The following UPP2 variants were observed in gnomAD, a reference collection of about 807,000 sequenced individuals.
The protein encoded by UPP2 is uridine phosphorylase 2.
UPP2 carries 23 observed loss-of-function variants against 26.7 expected under a neutral mutation model. The ratio of observed to expected loss-of-function variants is 0.86; its 90% confidence interval spans 0.62 to 1.22. UPP2 has a LOEUF of 1.22. Ranked by LOEUF, UPP2 falls within the 50% of genes most tolerant of loss-of-function variation. The pLI is 0.00. For synonymous variants in UPP2, 127 were observed against 141.3 expected, an observed-to-expected ratio of 0.90 and a Z score of 0.72; for missense variants, 387 against 396.7, an observed-to-expected ratio of 0.98 and a Z score of 0.21.
chr2:158,008,758 C>T (rs6747631), intron 2 of UPP2, among the ~76,000 whole-genome samples: 4,332 of 152,142 alleles, frequency 0.028, 198 homozygotes, highest in African/African-American at 0.099. Flanking sequence ...ATCTTTATGG[C>T]GAAATTTTAA....
Position 158,123,895 on chromosome 2 carries a change from G to C in UPP2, c.811G>C (p.Ala271Pro). The C allele has an allele frequency of 1.9e-6, 3 of 1,612,694 alleles. No homozygotes were observed. The highest frequency in any genetic ancestry group is 1.1e-5 in the South Asian group (1 of 90,866). The change falls in exon 6 of 7, where the codon GCT (alanine) becomes CCT (proline). Residue 271 changes from alanine to proline, a missense_variant and splice_region_variant. Transcript: ENST00000005756. ...AAMCGLCGLK[A>P]AVVCVTLLDR... ...TATGTGTGGACTCTGTGGTCTAAAAGGTAAGCTTTTCGTGAATGCTTAGGG... is the reference window on the plus strand; with the variant it reads ...TATGTGTGGACTCTGTGGTCTAAAACGTAAGCTTTTCGTGAATGCTTAGGG...
chr2:158,056,184 A>G (rs1468618284), intron 3 of UPP2, among the ~76,000 whole-genome samples: 1 of 152,144 alleles, frequency 6.6e-6, no homozygotes, highest in African/African-American at 2.4e-5. Context: ...CTGAAATAAG[A>G]AAAAGGTTCT....
chr2:158,052,547 A>G (rs1682176933), intron 3 of UPP2, among the ~76,000 whole-genome samples: 1 of 152,214 alleles, frequency 6.6e-6, no homozygotes, highest in Non-Finnish European at 1.5e-5. Context: ...TTATATGGGT[A>G]TTGAATGACT....
At chr2:158,011,452 G>A (rs914502219) in intron 2 of UPP2, among the ~76,000 whole-genome samples, 9 of 152,150 alleles carry the variant, frequency 5.9e-5, no homozygotes, top group Non-Finnish European at 1.2e-4. Context: ...CTGGAGAGAA[G>A]GAGCCCTCCT....
chr2:158,040,327 A>G (rs1361035321), intron 3 of UPP2, among the ~76,000 whole-genome samples: 1 of 152,240 alleles, frequency 6.6e-6, no homozygotes, highest in Non-Finnish European at 1.5e-5. Flanking sequence ...TGAGTACTAA[A>G]GTGACAATTT....
At chr2:158,047,969 G>C (rs1294393406) in intron 3 of UPP2, among the ~76,000 whole-genome samples, 1 of 152,104 alleles carries the variant, frequency 6.6e-6, no homozygotes, top group Admixed American at 6.5e-5. Flanking sequence ...GAGGAGAGAA[G>C]TATGTACAGT....
At chr2:158,087,631 T>C (rs1037499454) in intron 3 of UPP2, among the ~76,000 whole-genome samples, 6 of 152,204 alleles carry the variant, frequency 3.9e-5, no homozygotes, top group Non-Finnish European at 8.8e-5. Flanking sequence ...TTGGTGCTTT[T>C]TGAGTATTTG....
chr2:158,055,204 G>A (rs1682227760), intron 3 of UPP2, among the ~76,000 whole-genome samples: 2 of 152,206 alleles, frequency 1.3e-5, no homozygotes, highest in African/African-American at 4.8e-5. Flanking sequence ...TCCCAAGGCG[G>A]TGCAGGGTAT....
intron 3 of UPP2, among the ~76,000 whole-genome samples, chr2:158,095,514 T>C (rs571831036): frequency 1.3e-5 from 2 of 152,322 alleles, no homozygotes; most frequent in East Asian, 3.9e-4. Context: ...CTCCACCATG[T>C]ACCAGAAGCA....
At chr2:158,130,657 T>G (rs989571450) in intron 6 of UPP2, among the ~76,000 whole-genome samples, 1 of 152,196 alleles carries the variant, frequency 6.6e-6, no homozygotes, top group Non-Finnish European at 1.5e-5. Flanking sequence ...TGGTTCTAAT[T>G]CAGCATTGTT....
At chr2:158,101,349 A>G (rs1683071698), upstream of UPP2, among the ~76,000 whole-genome samples, 1 of 152,344 alleles carries the variant, frequency 6.6e-6, no homozygotes, top group East Asian at 1.9e-4. Context: ...GGTTCAATAA[A>G]TTTTACCAAT....
At chr2:158,009,500 T>C (rs758113121) in intron 2 of UPP2, among the ~76,000 whole-genome samples, 4 of 152,340 alleles carry the variant, frequency 2.6e-5, no homozygotes, top group Middle Eastern at 3.4e-3. Flanking sequence ...TGAGTGTGGT[T>C]TTACTGGGAG....
intron 3 of UPP2, among the ~76,000 whole-genome samples, chr2:158,034,119 A>G (rs1683965535): frequency 6.6e-6 from 1 of 151,596 alleles, no homozygotes; most frequent in Non-Finnish European, 1.5e-5. Flanking sequence ...CCAGGAGGAA[A>G]AGCCATAAGA....
chr2:158,088,799 G>A (rs1355103279), intron 3 of UPP2, among the ~76,000 whole-genome samples: 2 of 152,194 alleles, frequency 1.3e-5, no homozygotes, highest in Non-Finnish European at 2.9e-5. Context: ...GGCTGGTACT[G>A]GCGAGTGTCC....
chr2:158,020,809 C>G (rs149151769), intron 3 of UPP2, among the ~76,000 whole-genome samples: 2 of 152,350 alleles, frequency 1.3e-5, no homozygotes, highest in East Asian at 1.9e-4. Context: ...ATAAGTGGAG[C>G]AGCTTAGTGT....
chr2:158,038,231 C>A (rs1299898724), intron 3 of UPP2, among the ~76,000 whole-genome samples: 1 of 152,186 alleles, frequency 6.6e-6, no homozygotes, highest in Non-Finnish European at 1.5e-5. Flanking sequence ...CTTTCCTGGG[C>A]TTTCAGTCTA....
chr2:158,081,370 G>A (rs774987372), intron 3 of UPP2, among the ~76,000 whole-genome samples: 1 of 152,044 alleles, frequency 6.6e-6, no homozygotes, highest in South Asian at 2.1e-4. Flanking sequence ...TCTATTGAAG[G>A]GAATGTAAAT....
At chr2:158,001,946 A>T (rs1683414163) in intron 2 of UPP2, among the ~76,000 whole-genome samples, 1 of 135,620 alleles carries the variant, frequency 7.4e-6, no homozygotes, top group South Asian at 2.6e-4. Context: ...TTGCCTGGGG[A>T]GAATGAGCAC....
At chr2:158,043,304 T>C (rs1386900094) in intron 3 of UPP2, among the ~76,000 whole-genome samples, 1 of 152,136 alleles carries the variant, frequency 6.6e-6, no homozygotes, top group Non-Finnish European at 1.5e-5. Context: ...ATGAACTCCT[T>C]TGGGATTGGT....
Sources: allele counts gnomAD v4.1 joint callset (sites outside exome capture counted in the v4.1 genomes callset), GRCh38; gene constraint gnomAD v4.1.1; transcripts MANE v1.5; gene names NCBI Gene and HGNC (gene_info 2026-07-23, HGNC 2026-07-21).